The following TBC1D1 variants were observed in gnomAD, a reference collection of about 807,000 sequenced individuals.
The protein encoded by TBC1D1 is TBC1 domain family member 1, also known as TBC1 (tre-2/USP6, BUB2, cdc16) domain family, member 1.
In TBC1D1, 89 loss-of-function variants were observed where a neutral mutation model predicts 125.6. The ratio of observed to expected loss-of-function variants is 0.71; its 90% CI spans 0.60 to 0.85. TBC1D1 has a LOEUF of 0.85. TBC1D1 is among the 40% of genes least tolerant of loss of function. The pLI is 0.00. For synonymous variants in TBC1D1, 565 were observed against 564.1 expected, an observed-to-expected ratio of 1.00 and a Z score of -0.02; for missense variants, 1,377 against 1,469.2, an observed-to-expected ratio of 0.94 and a Z score of 1.03.
intron 2 of TBC1D1, among the ~76,000 whole-genome samples, chr4:37,944,458 A>G (rs890666655): frequency 6.6e-6 from 1 of 152,172 alleles, no homozygotes; most frequent in Non-Finnish European, 1.5e-5. Flanking sequence ...GCAGGCAGGC[A>G]TCCTTGAGCT....
At chr4:38,110,646 C>T in intron 15 of TBC1D1, 7 of 985,450 alleles carry the variant, frequency 7.1e-6, no homozygotes, top group Non-Finnish European at 8.4e-6. Flanking sequence ...GTTTGACCCT[C>T]TCCACTTAAC....
intron 11 of TBC1D1, among the ~76,000 whole-genome samples, chr4:38,050,798 AAAG>A (rs1315451953): frequency 8.5e-5 from 13 of 152,238 alleles, no homozygotes; most frequent in African/African-American, 3.1e-4. Context: ...TGTTCTGAGT[AAAG>A]AAGTGTGAGC....
chr4:38,123,986 T>G (rs1166891062), intron 17 of TBC1D1, among the ~76,000 whole-genome samples: 1 of 152,206 alleles, frequency 6.6e-6, no homozygotes, highest in Non-Finnish European at 1.5e-5. Flanking sequence ...TCTCACCTGC[T>G]TTTGCTTTCC....
intron 2 of TBC1D1, among the ~76,000 whole-genome samples, chr4:38,010,977 G>A (rs1207574058): frequency 6.6e-6 from 1 of 152,188 alleles, no homozygotes; most frequent in Non-Finnish European, 1.5e-5. Flanking sequence ...ATGCAAATAG[G>A]TGAGTCCAGG....
rs1388133986 is a variant in TBC1D1, at chr4:37,977,735, C to G, written c.418-36774C>G. Among the ~76,000 whole-genome samples the G allele has an allele frequency of 6.6e-6, 1 of 152,080 alleles. No homozygotes were observed. Among genetic ancestry groups the G allele is most frequent in the African/African-American group, 2.4e-5 (1 of 41,446 alleles). ...CCTGTGGGGAGGACGGGCGAGGTAG[C>G]GGCGCCCATTTCACAGTTGGGGAGA... is the stretch of plus-strand genomic sequence containing the variant. On this transcript the variant is annotated intron_variant, in intron 2 of 19. Coordinates refer to ENST00000261439, the MANE Select transcript of TBC1D1 (RefSeq NM_015173.4). The surrounding 1 kb of genome is among the most constrained non-coding windows in gnomAD (Gnocchi z 4.3).
chr4:37,964,362 G>A lies in TBC1D1; in HGVS notation c.418-50147G>A, dbSNP rs756254386. Among the ~76,000 whole-genome samples, 127 of 152,166 alleles carry A rather than the reference G, an allele frequency of 8.3e-4. 2 individuals are homozygous for A. The highest frequency in any genetic ancestry group is 2.8e-4 in the Non-Finnish European group (19 of 68,040). ...GGTCGGGGCGCTGTACTTCATGTAA[G>A]GTGATTCTAAACCTCGTGCTAGATC... On this transcript the variant is annotated intron_variant, in intron 2 of 19. Transcript: ENST00000261439.
chr4:38,097,105 A>G (rs1210478153), intron 14 of TBC1D1, among the ~76,000 whole-genome samples: 1 of 152,164 alleles, frequency 6.6e-6, no homozygotes, highest in African/African-American at 2.4e-5. Context: ...GGTTTCAAGT[A>G]TGTATAGAAT....
At chr4:38,000,909 T>C (rs1377617160) in intron 2 of TBC1D1, among the ~76,000 whole-genome samples, 1 of 152,194 alleles carries the variant, frequency 6.6e-6, no homozygotes, top group Non-Finnish European at 1.5e-5. Context: ...TACTTACATT[T>C]ACTGGTTTAT....
Position 38,138,670 on chromosome 4 carries a change from A to T in TBC1D1, c.*1335A>T, listed in dbSNP as rs749915901. 4.6e-5 allele frequency: 7 copies of T among 152,676 alleles called. No homozygotes were observed. Among genetic ancestry groups the T allele is most frequent in the Non-Finnish European group, 8.8e-5 (6 of 68,064 alleles). 9.5% of individuals were successfully genotyped at this position (152,676 alleles called of 1,614,324 possible). Reference sequence around the variant, plus strand: ...AAGAGTGGGTTGCTTTCTCACAAAGATGGGGTTCTGTGCAGTCACAGGTCA... The same window carrying T: ...AAGAGTGGGTTGCTTTCTCACAAAGTTGGGGTTCTGTGCAGTCACAGGTCA... On this transcript the variant is annotated 3_prime_UTR_variant, in exon 20 of 20. Transcript: ENST00000261439.
chr4:38,019,684 T>C (rs756261894), intron 4 of TBC1D1, among the ~76,000 whole-genome samples: 1 of 152,164 alleles, frequency 6.6e-6, no homozygotes, highest in African/African-American at 2.4e-5. Context: ...GGCAGACGTT[T>C]TATCTGTATT....
chr4:37,922,503 C>T (rs896827619), intron 2 of TBC1D1, among the ~76,000 whole-genome samples: 1 of 152,200 alleles, frequency 6.6e-6, no homozygotes, highest in African/African-American at 2.4e-5. Context: ...GCCTTTAAGC[C>T]GTCCTGAATC....
intron 2 of TBC1D1, among the ~76,000 whole-genome samples, chr4:37,903,764 G>A (rs1472581276): frequency 6.6e-6 from 1 of 152,122 alleles, no homozygotes; most frequent in Non-Finnish European, 1.5e-5. Flanking sequence ...ATTAGCAGAG[G>A]CTTGTAGGAA....
intron 18 of TBC1D1, among the ~76,000 whole-genome samples, chr4:38,128,777 T>C (rs1022405838): frequency 6.6e-6 from 1 of 152,158 alleles, no homozygotes; most frequent in Non-Finnish European, 1.5e-5. Flanking sequence ...GGCAGTGTAC[T>C]TACCAAAGGA....
At chr4:38,055,328 C>T (rs908920053) in intron 12 of TBC1D1, among the ~76,000 whole-genome samples, 1 of 152,178 alleles carries the variant, frequency 6.6e-6, no homozygotes, top group African/African-American at 2.4e-5. Flanking sequence ...CCCAGCTTTT[C>T]CCCTTAGGAG....
At chr4:37,898,022 T>C (rs578030187) in intron 1 of TBC1D1, among the ~76,000 whole-genome samples, 2 of 152,330 alleles carry the variant, frequency 1.3e-5, no homozygotes, top group Admixed American at 6.5e-5. Context: ...TCTTGAACAT[T>C]TGAAATAAAA....
chr4:38,046,245 A>C (rs976789395), intron 10 of TBC1D1, among the ~76,000 whole-genome samples: 1 of 151,826 alleles, frequency 6.6e-6, no homozygotes, highest in African/African-American at 2.4e-5. Context: ...GGTGGCGGGC[A>C]CCCGTAGTCC....
chr4:38,051,918 G>A, intron 11 of TBC1D1: 6 of 1,550,216 alleles, frequency 3.9e-6, no homozygotes, highest in Non-Finnish European at 5.2e-6. Context: ...TTCACCTGTG[G>A]GTGAGTCTAA....
intron 2 of TBC1D1, among the ~76,000 whole-genome samples, chr4:37,982,816 ATCCT>A (rs1734614164): frequency 6.6e-6 from 1 of 152,240 alleles, no homozygotes; most frequent in Non-Finnish European, 1.5e-5. Flanking sequence ...AACTCTCCTC[ATCCT>A]TCATTCCTTT....
At chr4:37,989,849 TG>T (rs1428530169) in intron 2 of TBC1D1, among the ~76,000 whole-genome samples, 2 of 152,238 alleles carry the variant, frequency 1.3e-5, no homozygotes, top group African/African-American at 4.8e-5. Context: ...TGACAGTTTC[TG>T]GTTTTTTTCG....
Sources: gnomAD v4.1 joint callset for allele counts (sites outside exome capture counted in the v4.1 genomes callset) on GRCh38, gnomAD v4.1.1 for gene constraint, Gnocchi (gnomAD v3.1) non-coding constraint, MANE v1.5 for transcripts, NCBI Gene and HGNC (gene_info 2026-07-23, HGNC 2026-07-21) for gene names.